Variants in ANKRD17 observed in about 807,000 individuals in gnomAD.
ANKRD17 encodes ankyrin repeat domain 17.
Under a neutral mutation model 229.7 loss-of-function variants are expected in ANKRD17, and 19 were observed. The ratio of observed to expected loss-of-function variants is 0.08; its 90% CI spans 0.06 to 0.12. The LOEUF is 0.12. ANKRD17 is among the 10% of genes least tolerant of loss of function. ANKRD17 has a pLI of 1.00. For missense variants in ANKRD17, 2,176 were observed against 3,176.8 expected, an observed-to-expected ratio of 0.68 and a Z score of 7.57; for synonymous variants, 1,112 against 1,146.1, an observed-to-expected ratio of 0.97 and a Z score of 0.60.
intron 16 of ANKRD17, among the ~76,000 whole-genome samples, chr4:73,133,994 G>A (rs1293532075): frequency 6.6e-6 from 1 of 152,152 alleles, no homozygotes; most frequent in Non-Finnish European, 1.5e-5. Context: ...GCTACATCAT[G>A]TATGTGGTCT....
intron 1 of ANKRD17, among the ~76,000 whole-genome samples, chr4:73,200,252 CTT>C (rs1738474394): frequency 6.6e-6 from 1 of 152,114 alleles, no homozygotes; most frequent in Non-Finnish European, 1.5e-5. Flanking sequence ...TTTAAATCCT[CTT>C]TGTCTCAGAA....
chr4:73,185,770 C>A (rs2149038178), intron 1 of ANKRD17, among the ~76,000 whole-genome samples: 1 of 152,106 alleles, frequency 6.6e-6, no homozygotes, highest in Admixed American at 6.5e-5. Flanking sequence ...AAAACATATT[C>A]ACTGATATTC....
intron 1 of ANKRD17, among the ~76,000 whole-genome samples, chr4:73,251,787 C>G (rs1210359685): frequency 1.3e-5 from 2 of 152,126 alleles, no homozygotes; most frequent in Admixed American, 6.5e-5. Flanking sequence ...ATAAATGCAA[C>G]TGCACTGCCT....
At chr4:73,106,274 C>T (rs1284331458) in intron 24 of ANKRD17, among the ~76,000 whole-genome samples, 1 of 151,978 alleles carries the variant, frequency 6.6e-6, no homozygotes, top group Non-Finnish European at 1.5e-5. Flanking sequence ...AATAACTTCA[C>T]TGTGGAATGG....
At chr4:73,206,437 A>AAAGC in intron 1 of ANKRD17, among the ~76,000 whole-genome samples, 1 of 151,816 alleles carries the variant, frequency 6.6e-6, no homozygotes, top group African/African-American at 2.4e-5. Flanking sequence ...AGAGAGAGAG[A>AAAGC]GAGAGAGAGA....
intron 1 of ANKRD17, among the ~76,000 whole-genome samples, chr4:73,230,592 G>A (rs1742948821): frequency 6.6e-6 from 1 of 151,810 alleles, no homozygotes; most frequent in Admixed American, 6.6e-5. Flanking sequence ...TTCTCTAATT[G>A]GTCCCCTTCC....
intron 1 of ANKRD17, among the ~76,000 whole-genome samples, chr4:73,235,324 G>A (rs1743401830): frequency 1.3e-5 from 2 of 152,092 alleles, no homozygotes; most frequent in Admixed American, 1.3e-4. Flanking sequence ...AGGAAACGCA[G>A]ACCAAAAATG....
chr4:73,190,865 A>G (rs1488937739), intron 1 of ANKRD17, among the ~76,000 whole-genome samples: 1 of 152,134 alleles, frequency 6.6e-6, no homozygotes, highest in Non-Finnish European at 1.5e-5. Context: ...ACAGGAAAAA[A>G]ACTGTAAAAC....
intron 1 of ANKRD17, among the ~76,000 whole-genome samples, chr4:73,215,052 C>T (rs868057203): frequency 1.3e-5 from 2 of 151,988 alleles, no homozygotes; most frequent in Admixed American, 1.3e-4. Context: ...TTTCTTAAGA[C>T]ATACTATAAT....
At chr4:73,214,216 G>A (rs1281875360) in intron 1 of ANKRD17, among the ~76,000 whole-genome samples, 2 of 152,192 alleles carry the variant, frequency 1.3e-5, no homozygotes, top group Non-Finnish European at 2.9e-5. Flanking sequence ...AAAGGATAGA[G>A]TGACCTACAG....
chr4:73,162,944 C>T (rs1029940702), intron 2 of ANKRD17, among the ~76,000 whole-genome samples: 15 of 151,770 alleles, frequency 9.9e-5, no homozygotes, highest in Admixed American at 2.6e-4. Flanking sequence ...ACTGCAGCCT[C>T]GACCTCCCGG....
chr4:73,224,953 G>C (rs1233585179), intron 1 of ANKRD17, among the ~76,000 whole-genome samples: 1 of 152,174 alleles, frequency 6.6e-6, no homozygotes, highest in African/African-American at 2.4e-5. Context: ...GTCAAATCCA[G>C]ATGCAAATCC....
In ANKRD17 at chr4:73,075,142, A is replaced by T. The variant is rs1720920924; in HGVS notation, c.*1089T>A. 6.6e-6 allele frequency: 1 copy of T among 152,122 alleles called. No homozygotes were observed. Among genetic ancestry groups the T allele is most frequent in the African/African-American group, 2.4e-5 (1 of 41,448 alleles). The allele number at this position is 152,122 out of a possible 1,614,324, so 9.4% of individuals were successfully genotyped here. A position where few individuals can be genotyped will look rare whatever the true frequency, so the allele number is the denominator to read the frequency against. On this transcript the variant is annotated 3_prime_UTR_variant, in exon 34 of 34. Transcript: ENST00000358602. ...CTTTAAAATTGAAAAAAGAAATAAG[A>T]TATTTTCCACTAAATTACTGAAAAT...
chr4:73,146,896 C>T (rs751050139), intron 9 of ANKRD17, 23 bp from the exon 10 acceptor site: 3 of 1,569,728 alleles, frequency 1.9e-6, no homozygotes, highest in Admixed American at 1.7e-5. Flanking sequence ...ACAAATAATA[C>T]ATAGACTTAA....
At chr4:73,190,564 CA>C (rs905807992) in intron 1 of ANKRD17, among the ~76,000 whole-genome samples, 16 of 121,816 alleles carry the variant, frequency 1.3e-4, no homozygotes, top group African/African-American at 3.6e-4. Context: ...AAAAACAAAA[CA>C]AAAAAAAAAC....
chr4:73,137,244 A>C (rs1281538835), intron 15 of ANKRD17, among the ~76,000 whole-genome samples: 2 of 152,168 alleles, frequency 1.3e-5, no homozygotes, highest in Non-Finnish European at 1.5e-5. Context: ...GGAGAACCAC[A>C]CATCAGAAAA....
intron 1 of ANKRD17, among the ~76,000 whole-genome samples, chr4:73,187,635 A>G (rs1336936571): frequency 1.3e-5 from 2 of 152,174 alleles, no homozygotes; most frequent in Non-Finnish European, 2.9e-5. Flanking sequence ...TTGAGCACCA[A>G]TGCTTGGGCC....
intron 1 of ANKRD17, among the ~76,000 whole-genome samples, chr4:73,247,919 A>G (rs1300593633): frequency 2.1e-5 from 3 of 140,998 alleles, no homozygotes; most frequent in South Asian, 2.2e-4. Flanking sequence ...TGATTTTTCT[A>G]TTCTTTAGAT....
At chr4:73,220,206 C>T (rs1486643367) in intron 1 of ANKRD17, among the ~76,000 whole-genome samples, 2 of 152,062 alleles carry the variant, frequency 1.3e-5, no homozygotes, top group Non-Finnish European at 2.9e-5. Context: ...CTCAGGAAAA[C>T]ATAAACAGAA....
Sources: allele counts gnomAD v4.1 joint callset (sites outside exome capture counted in the v4.1 genomes callset), GRCh38; gene constraint gnomAD v4.1.1; transcripts MANE v1.5; gene names NCBI Gene and HGNC (gene_info 2026-07-23, HGNC 2026-07-21).